The following CRAMP1 variants were observed in gnomAD, a reference collection of about 807,000 sequenced individuals.
CRAMP1 encodes the protein cramped chromatin regulator 1.
A neutral mutation model predicts 115.4 loss-of-function variants in CRAMP1; 50 were observed. The ratio of observed to expected loss-of-function variants is 0.43; its 90% CI spans 0.35 to 0.55. The LOEUF (loss-of-function observed/expected upper bound fraction) is 0.55. Ranked by LOEUF, CRAMP1 falls within the 20% of genes least tolerant of loss-of-function variation. CRAMP1 has a pLI of 0.01. For missense variants in CRAMP1, 1,679 were observed against 1,721.7 expected (o/e 0.98, Z 0.44); for synonymous variants, 866 against 745.4 (o/e 1.16, Z -2.64).
Position 1,613,584 on chromosome 16 carries a change from T to C in CRAMP1, c.-2+927T>C, listed in dbSNP as rs560462427. ...TTTCTGGGCTGCAGCTCTTGCTGTG[T>C]ACCTGATTGTCTGAGTTTATTTTTG... On this transcript the variant is annotated intron_variant, in intron 1 of 20. Coordinates refer to ENST00000397412, the MANE Select transcript of CRAMP1 (RefSeq NM_020825.4). Among the ~76,000 whole-genome samples, 4 of 152,322 alleles carry C rather than the reference T, an allele frequency of 2.6e-5. No homozygotes were observed. In the East Asian group the frequency reaches 7.7e-4, roughly 29 times the overall value.
chr16:1,620,597 A>G (rs974785593), intron 2 of CRAMP1: 1 of 456,404 alleles, frequency 2.2e-6, no homozygotes, highest in South Asian at 1.5e-5. Context: ...AGATGATGAC[A>G]GGGTGTCACT....
At chr16:1,670,133 G>A (rs1008498791) in intron 19 of CRAMP1, among the ~76,000 whole-genome samples, 7 of 151,796 alleles carry the variant, frequency 4.6e-5, no homozygotes, top group African/African-American at 1.7e-4. Context: ...GGTGTGGGGG[G>A]TGCATGCCTG....
At chr16:1,648,403 G>T (rs1455108003) in intron 6 of CRAMP1, among the ~76,000 whole-genome samples, 1 of 151,156 alleles carries the variant, frequency 6.6e-6, no homozygotes, top group African/African-American at 2.4e-5. Context: ...GAGGTTAGGA[G>T]TTCCAGCCTG....
intron 3 of CRAMP1, among the ~76,000 whole-genome samples, chr16:1,626,601 G>C (rs746390875): frequency 7.9e-5 from 12 of 152,070 alleles, no homozygotes; most frequent in Non-Finnish European, 1.8e-4. Flanking sequence ...AGATGTTGCT[G>C]CTGACTTGGG....
Position 1,669,170 on chromosome 16 carries a change from G to A in CRAMP1, c.3499+5G>A. On this transcript the variant is annotated splice_donor_5th_base_variant and intron_variant, in intron 19 of 20. Transcript: ENST00000397412. This position sits in a 1 kb window ranked among gnomAD's most constrained non-coding sequence, Gnocchi z 4.6. ...CCTCGCTCAGCAGCCTGTTTGGTGA[G>A]TGTATGGGGAGGGCTCCCATCTCCT... 1 of 1,579,912 alleles carries A rather than the reference G, an allele frequency of 6.3e-7. No individual in the cohort carries two copies. The highest frequency in any genetic ancestry group is 8.6e-7 in the Non-Finnish European group (1 of 1,162,208).
At position 1,662,813 on chromosome 16, in the gene CRAMP1, TGCGGAA is replaced by T; in HGVS notation, c.2651_2656del (p.Arg884_Lys885del). On this transcript the variant is annotated inframe_deletion, in exon 13 of 21. Transcript: ENST00000397412. ...CCCCGGAAGCTGCGGAACCGGCACC[TGCGGAA>T]GCCACTGGTGGTCCAGGTCAGGGTC... 6.2e-7 allele frequency: 1 copy of T among 1,613,756 alleles called. No homozygotes were observed. The highest frequency in any genetic ancestry group is 8.5e-7 in the Non-Finnish European group (1 of 1,179,854).
At chr16:1,623,719 C>A (rs1054470267) in intron 2 of CRAMP1, among the ~76,000 whole-genome samples, 2 of 152,172 alleles carry the variant, frequency 1.3e-5, no homozygotes, top group Non-Finnish European at 2.9e-5. Flanking sequence ...ATCCAGGCTC[C>A]TAGTGAGCCA....
chr16:1,672,903 T>C lies in CRAMP1; in HGVS notation c.3646-978T>C, dbSNP rs1001630699. On this transcript the variant is annotated intron_variant, in intron 20 of 20. Coordinates refer to ENST00000397412, the MANE Select transcript of CRAMP1 (RefSeq NM_020825.4). This position sits in a 1 kb window ranked among gnomAD's most constrained non-coding sequence, Gnocchi z 4.9. ...CCACCACCTTGGTCGTGCTTTTCAG[T>C]CAAAGCCTCTTCCTGTCTCAGGGAA... Among the ~76,000 whole-genome samples, 5 of 152,262 alleles carry C rather than the reference T, an allele frequency of 3.3e-5. No homozygotes were observed. Among genetic ancestry groups the C allele is most frequent in the African/African-American group, 1.2e-4 (5 of 41,478 alleles).
At chr16:1,665,290 G>C (rs192471187) in intron 14 of CRAMP1, among the ~76,000 whole-genome samples, 152 bp downstream of exon 14, 2 of 152,282 alleles carry the variant, frequency 1.3e-5, no homozygotes, top group Admixed American at 1.3e-4. Context: ...CCTATGTGCT[G>C]GGCTGCAGGC....
At position 1,618,018 on chromosome 16, in the gene CRAMP1, C is replaced by G. The variant is rs961230718; in HGVS notation, c.346+3033C>G. Among the ~76,000 whole-genome samples the G allele has an allele frequency of 5.3e-5, 8 of 152,322 alleles. No individual in the cohort carries two copies. In the South Asian group the frequency reaches 1.7e-3, roughly 32 times the overall value. On this transcript the variant is annotated intron_variant, in intron 2 of 20. Coordinates refer to ENST00000397412, the MANE Select transcript of CRAMP1 (RefSeq NM_020825.4). Reference sequence around the variant, plus strand: ...AGACATTCCTGCAGCTCTAATACACCACCCACGTGACCCTGGGACGCACTG... The same window carrying G: ...AGACATTCCTGCAGCTCTAATACACGACCCACGTGACCCTGGGACGCACTG...
At chr16:1,613,097 G>C (rs1016236620) in intron 1 of CRAMP1, among the ~76,000 whole-genome samples, 1 of 152,110 alleles carries the variant, frequency 6.6e-6, no homozygotes, top group African/African-American at 2.4e-5. Flanking sequence ...CCTGGGCAGC[G>C]GGGTTCTCAG....
chr16:1,654,008 T>C (rs1048692530), intron 8 of CRAMP1, among the ~76,000 whole-genome samples: 2 of 149,566 alleles, frequency 1.3e-5, no homozygotes, highest in Non-Finnish European at 3.0e-5. Context: ...CCGGGCGTGG[T>C]GGTGGGTGCT....
At chr16:1,641,831 T>TG (rs914700053) in intron 6 of CRAMP1, among the ~76,000 whole-genome samples, 14 of 150,384 alleles carry the variant, frequency 9.3e-5, no homozygotes, top group Non-Finnish European at 2.1e-4. Flanking sequence ...CGCCACAGCC[T>TG]GGGGGGGTTC....
chr16:1,617,468 C>T (rs1461922509), intron 2 of CRAMP1, among the ~76,000 whole-genome samples: 2 of 152,242 alleles, frequency 1.3e-5, no homozygotes, highest in Non-Finnish European at 2.9e-5. Flanking sequence ...GAGGAGAATC[C>T]TCTTACATTC....
In CRAMP1 at chr16:1,668,057, G is replaced by A. The variant is rs1400838015; in HGVS notation, c.3198G>A (p.Arg1066=). ...PLSSSESSST[R]LSPPDVSALL... is the part of the protein sequence containing the mutation. Reference sequence around the variant, plus strand: ...CCTCGTCAGAGAGCTCCAGCACCCGGCTGTCTCCACCAGACGTCTCTGCTC... The same window carrying A: ...CCTCGTCAGAGAGCTCCAGCACCCGACTGTCTCCACCAGACGTCTCTGCTC... The change falls in exon 18 of 21, where the codon CGG becomes CGA. Residue 1066 remains arginine (R), a synonymous_variant. Transcript: ENST00000397412. 1.9e-6 allele frequency: 3 copies of A among 1,613,848 alleles called. No individual in the cohort carries two copies. The highest frequency in any genetic ancestry group is 1.7e-6 in the Non-Finnish European group (2 of 1,179,854).
intron 2 of CRAMP1, among the ~76,000 whole-genome samples, chr16:1,618,271 A>C (rs530835403): frequency 6.6e-6 from 1 of 152,230 alleles, no homozygotes; most frequent in Admixed American, 6.5e-5. Flanking sequence ...AACAAGGGTG[A>C]GACTTAGTCT....
intron 1 of CRAMP1, among the ~76,000 whole-genome samples, chr16:1,613,262 A>C (rs1386076429): frequency 3.5e-5 from 5 of 142,708 alleles, no homozygotes; most frequent in African/African-American, 1.4e-4. Flanking sequence ...AACTAGCATG[A>C]ACTCGAGATT....
intron 7 of CRAMP1, 27 bp from the exon 8 acceptor site, chr16:1,653,006 A>T (rs746967712): frequency 3.0e-5 from 49 of 1,613,118 alleles, no homozygotes; most frequent in Non-Finnish European, 4.2e-5. Context: ...GGCTGCACTA[A>T]ACTTTCATGG....
At chr16:1,655,044 A>G (rs2036758108) in intron 8 of CRAMP1, among the ~76,000 whole-genome samples, 175 bp from the exon 9 acceptor site, 1 of 152,228 alleles carries the variant, frequency 6.6e-6, no homozygotes, top group Non-Finnish European at 1.5e-5. Context: ...GCAGCTGGAA[A>G]GGCTGGTTTT....
Sources: gnomAD v4.1 joint callset for allele counts (sites outside exome capture counted in the v4.1 genomes callset) on GRCh38, gnomAD v4.1.1 for gene constraint, Gnocchi (gnomAD v3.1) non-coding constraint, MANE v1.5 for transcripts, NCBI Gene and HGNC (gene_info 2026-07-23, HGNC 2026-07-21) for gene names.